PCDH15: variants seen among roughly 807,000 people sequenced by gnomAD.
PCDH15 encodes protocadherin related 15.
Under a neutral mutation model 178.5 loss-of-function variants are expected in PCDH15, and 129 were observed. That is an observed-to-expected ratio of 0.72 (90% CI 0.63 to 0.84). The LOEUF is 0.84. PCDH15 is among the 40% of genes least tolerant of loss of function. The probability of loss-of-function intolerance (pLI) is 0.00; values close to 1 mark genes in which losing one functional copy is unlikely to be tolerated. For missense variants in PCDH15, 2,230 were observed against 2,099.9 expected, an observed-to-expected ratio of 1.06 and a Z score of -1.21; for synonymous variants, 800 against 732.0, an observed-to-expected ratio of 1.09 and a Z score of -1.50.
chr10:54,129,441 C>G (rs910969030), intron 15 of PCDH15, among the ~76,000 whole-genome samples: 1 of 152,066 alleles, frequency 6.6e-6, no homozygotes, highest in Non-Finnish European at 1.5e-5. Context: ...AGCTGCTCCA[C>G]TATTCTGAAG....
chr10:54,674,419 A>C (rs1357477980), intron 1 of PCDH15, among the ~76,000 whole-genome samples: 1 of 152,158 alleles, frequency 6.6e-6, no homozygotes, highest in Non-Finnish European at 1.5e-5. Context: ...TCATGTATGA[A>C]ATGTATAGTC....
intron 20 of PCDH15, among the ~76,000 whole-genome samples, chr10:54,017,708 T>C (rs2092786049): frequency 6.6e-6 from 1 of 152,080 alleles, no homozygotes; most frequent in African/African-American, 2.4e-5. Context: ...ACTATCTAGT[T>C]GACAAGGTCA....
chr10:54,746,504 T>C (rs899104443), intron 1 of PCDH15, among the ~76,000 whole-genome samples: 4 of 152,142 alleles, frequency 2.6e-5, no homozygotes, highest in African/African-American at 9.7e-5. Flanking sequence ...GATAAGTGCT[T>C]GAGGTGGTGA....
At chr10:54,354,970 G>A (rs1429055371) in intron 5 of PCDH15, among the ~76,000 whole-genome samples, 1 of 151,962 alleles carries the variant, frequency 6.6e-6, no homozygotes, top group African/African-American at 2.4e-5. Flanking sequence ...CAGAGGTAAT[G>A]TTAATTTCAC....
At chr10:54,111,461 AGGTTTAGAAATTGT>A (rs1413117113) in intron 15 of PCDH15, among the ~76,000 whole-genome samples, 1 of 152,146 alleles carries the variant, frequency 6.6e-6, no homozygotes. Flanking sequence ...CAATTCAAAC[AGGTTTAGAAATTGT>A]AAGCTTTTCT....
intron 2 of PCDH15, among the ~76,000 whole-genome samples, chr10:54,963,374 T>C (rs891949817): frequency 2.0e-5 from 3 of 152,136 alleles, no homozygotes; most frequent in Non-Finnish European, 2.9e-5. Context: ...ATAGATTGGG[T>C]TGAACCCCTT....
intron 2 of PCDH15, among the ~76,000 whole-genome samples, chr10:55,346,864 G>A (rs1423700708): frequency 1.3e-5 from 2 of 151,982 alleles, no homozygotes; most frequent in Non-Finnish European, 2.9e-5. Context: ...GAATCCAGGA[G>A]AAGTTGGGAT....
At chr10:55,040,419 C>A (rs1237290281) in intron 2 of PCDH15, among the ~76,000 whole-genome samples, 2 of 151,650 alleles carry the variant, frequency 1.3e-5, no homozygotes, top group Admixed American at 1.3e-4. Context: ...GTCTAAGGGG[C>A]AGTGAGATTT....
intron 20 of PCDH15, among the ~76,000 whole-genome samples, chr10:54,004,065 A>C (rs939890766): frequency 8.0e-5 from 12 of 149,366 alleles, no homozygotes; most frequent in African/African-American, 3.0e-4. Context: ...GATTCTGAAA[A>C]AGCATTTAAT....
chr10:53,945,482 C>T (rs2086462353), intron 23 of PCDH15, among the ~76,000 whole-genome samples: 1 of 139,718 alleles, frequency 7.2e-6, no homozygotes, highest in African/African-American at 2.6e-5. Flanking sequence ...CAACTATGGT[C>T]ACCATGTTGT....
At chr10:54,761,957 A>G (rs533664378) in intron 1 of PCDH15, among the ~76,000 whole-genome samples, 45 of 152,196 alleles carry the variant, frequency 3.0e-4, no homozygotes, top group African/African-American at 1.1e-3. Flanking sequence ...TGATAACAAC[A>G]TATATATATG....
At chr10:55,500,884 G>A (rs914126286) in intron 2 of PCDH15, among the ~76,000 whole-genome samples, 6 of 151,644 alleles carry the variant, frequency 4.0e-5, no homozygotes, top group African/African-American at 1.5e-4. Context: ...CTCTTTATAT[G>A]ACACAGTGCC....
intron 25 of PCDH15, among the ~76,000 whole-genome samples, chr10:53,913,697 T>C (rs2083303584): frequency 6.6e-6 from 1 of 150,440 alleles, no homozygotes; most frequent in Non-Finnish European, 1.5e-5. Context: ...TGAGCCAAGA[T>C]GGCGCCACTG....
intron 23 of PCDH15, 113 bp from the exon 24 acceptor site, chr10:53,941,088 C>G: frequency 1.4e-6 from 1 of 728,182 alleles, no homozygotes. Context: ...ACCCTCTGCC[C>G]TCACACATTC....
chr10:54,117,284 G>C (rs4007263), intron 15 of PCDH15, among the ~76,000 whole-genome samples: 112,422 of 151,870 alleles, frequency 0.74, 42,520 homozygotes, highest in East Asian at 0.99. Flanking sequence ...TAGGAGGAAG[G>C]TCCATGTAAG....
intron 14 of PCDH15, among the ~76,000 whole-genome samples, chr10:54,140,850 A>AT (rs2043343226): frequency 6.6e-6 from 1 of 151,968 alleles, no homozygotes; most frequent in East Asian, 1.9e-4. Context: ...CACCTGGCTA[A>AT]TTTTTTGTAT....
intron 5 of PCDH15, among the ~76,000 whole-genome samples, chr10:54,350,215 T>C (rs943230721): frequency 1.3e-5 from 2 of 152,196 alleles, no homozygotes; most frequent in African/African-American, 4.8e-5. Context: ...TTCATGGCTG[T>C]CTTTCTTGAC....
chr10:54,346,583 G>A (rs1015410308), intron 5 of PCDH15, 99 bp from the exon 6 acceptor site: 24 of 1,410,296 alleles, frequency 1.7e-5, no homozygotes, highest in Non-Finnish European at 2.0e-5. Context: ...CCTAAAGGAA[G>A]ATACCAGTTG....
intron 2 of PCDH15, among the ~76,000 whole-genome samples, chr10:55,070,491 A>C (rs1841705397): frequency 6.6e-6 from 1 of 152,062 alleles, no homozygotes; most frequent in South Asian, 2.1e-4. Context: ...TCAGCTTTCT[A>C]CCTATGGCTA....
Sources: allele counts gnomAD v4.1 joint callset (sites outside exome capture counted in the v4.1 genomes callset), GRCh38; gene constraint gnomAD v4.1.1; transcripts MANE v1.5; gene names NCBI Gene and HGNC (gene_info 2026-07-23, HGNC 2026-07-21).